The following ADCK2 variants were observed in gnomAD, a reference collection of about 807,000 sequenced individuals.
The protein encoded by ADCK2 is uncharacterized aarF domain-containing protein kinase 2.
In ADCK2, 37 loss-of-function variants were observed where a neutral mutation model predicts 52.3. That is an observed-to-expected ratio of 0.71 (90% CI 0.54 to 0.93). The LOEUF (loss-of-function observed/expected upper bound fraction) is 0.93, where lower values mean the gene tolerates loss of function less well. Ranked by LOEUF, ADCK2 falls within the 40% of genes least tolerant of loss-of-function variation. The pLI, the probability that ADCK2 is intolerant of heterozygous loss-of-function variation, is 0.00. For missense variants in ADCK2, 695 were observed against 798.7 expected (o/e 0.87, Z 1.56); for synonymous variants, 321 against 349.2 (o/e 0.92, Z 0.90).
intron 4 of ADCK2, among the ~76,000 whole-genome samples, chr7:140,683,892 G>C (rs540576307): frequency 3.9e-5 from 6 of 152,292 alleles, no homozygotes; most frequent in Non-Finnish European, 7.4e-5. Context: ...ACAGGCACAG[G>C]GACAGGATTT....
Position 140,673,179 on chromosome 7 carries a change from G to A in ADCK2, c.-152G>A, listed in dbSNP as rs1469011625. On this transcript the variant is annotated 5_prime_UTR_variant, in exon 1 of 8. Coordinates refer to ENST00000072869, the MANE Select transcript of ADCK2 (RefSeq NM_052853.4). This position sits in a 1 kb window ranked among gnomAD's most constrained non-coding sequence, Gnocchi z 6.4. ...GCGCGGGCCTCCGGCCTGAGGCCCGGCGAGGTGCTGGAGGGAGCGGGGCGC... is the reference window on the plus strand; with the variant it reads ...GCGCGGGCCTCCGGCCTGAGGCCCGACGAGGTGCTGGAGGGAGCGGGGCGC... 2 of 507,446 alleles carry A rather than the reference G, an allele frequency of 3.9e-6. No homozygotes were observed. The highest frequency in any genetic ancestry group is 6.1e-6 in the Non-Finnish European group (2 of 329,560). 31.4% of individuals were successfully genotyped at this position (507,446 alleles called of 1,614,324 possible). A position where few individuals can be genotyped will look rare whatever the true frequency, so the allele number is the denominator to read the frequency against.
intron 6 of ADCK2, 40 bp downstream of exon 6, chr7:140,689,765 T>C: frequency 6.4e-7 from 1 of 1,569,792 alleles, no homozygotes; most frequent in Non-Finnish European, 8.7e-7. Context: ...GGGGAGTCCA[T>C]ACCTGGCCTG....
chr7:140,694,323 TG>T (rs758644244), intron 7 of ADCK2, among the ~76,000 whole-genome samples: 1 of 152,200 alleles, frequency 6.6e-6, no homozygotes, highest in Non-Finnish European at 1.5e-5. Context: ...TAAAGGTTAC[TG>T]TAGGTTTCGA....
chr7:140,674,543 A>T lies in ADCK2; in HGVS notation c.934-68A>T. 6.5e-7 allele frequency: 1 copy of T among 1,548,746 alleles called. No individual in the cohort carries two copies. The highest frequency in any genetic ancestry group is 8.7e-7 in the Non-Finnish European group (1 of 1,145,500). On this transcript the variant is annotated intron_variant, in intron 1 of 7. Coordinates refer to ENST00000072869, the MANE Select transcript of ADCK2 (RefSeq NM_052853.4). The surrounding 1 kb of genome is among the most constrained non-coding windows in gnomAD (Gnocchi z 4.6). Reference sequence around the variant, plus strand: ...ACCTGGCTCTTGCTTGGATGGTGGGACCCAGCCCTGGCTGGGTAAAATGTG... The same window carrying T: ...ACCTGGCTCTTGCTTGGATGGTGGGTCCCAGCCCTGGCTGGGTAAAATGTG...
chr7:140,689,030 C>A (rs1204709734), intron 5 of ADCK2, among the ~76,000 whole-genome samples: 2 of 151,244 alleles, frequency 1.3e-5, no homozygotes, highest in Admixed American at 6.6e-5. Context: ...TGCAGTGGTA[C>A]GATCTCAGCT....
At position 140,690,771 on chromosome 7, in the gene ADCK2, C is replaced by T. The variant is rs1466478879; in HGVS notation, c.1698C>T (p.Ser566=). 2.0e-5 allele frequency: 32 copies of T among 1,613,440 alleles called. No individual in the cohort carries two copies. Among genetic ancestry groups the T allele is most frequent in the Middle Eastern group, 1.6e-4 (1 of 6,084 alleles). Residue 566 remains serine, a synonymous_variant, in exon 7 of 8, where the codon TCC becomes TCT. Coordinates refer to ENST00000072869, the MANE Select transcript of ADCK2 (RefSeq NM_052853.4). ...NTITLEKLHV[S]SLLSSVFKLL... ...TTTTGTTTTTCCAGCTTCATGTGTC[C>T]AGCCTTCTCTCTAGTGTCTTTAAGT...
In ADCK2 at chr7:140,674,738, A is replaced by G. The variant is rs1794368311; in HGVS notation, c.1061A>G (p.Glu354Gly). 2 of 1,613,970 alleles carry G rather than the reference A, an allele frequency of 1.2e-6. No individual in the cohort carries two copies. Among genetic ancestry groups the G allele is most frequent in the African/African-American group, 1.3e-5 (1 of 74,904 alleles). The change falls in exon 2 of 8, where the codon GAG (glutamate) becomes GGG (glycine). Residue 354 changes from glutamate (E) to glycine (G), a missense_variant. Glu to Gly is a moderately conservative substitution (Grantham distance 98). Transcript: ENST00000072869. The surrounding 1 kb of genome is among the most constrained non-coding windows in gnomAD (Gnocchi z 4.6). ...TTGCCTGAGATTGTGGAGGAATTTG[A>G]GAAGCTGATGGTCCAACAGGTGAGT... is the stretch of plus-strand genomic sequence containing the variant. Reference protein sequence around the residue: ...LSLPEIVEEFEKLMVQQIDLR... With the variant: ...LSLPEIVEEFGKLMVQQIDLR...
intron 5 of ADCK2, 103 bp from the exon 6 acceptor site, chr7:140,689,494 A>G (rs1272320274): frequency 2.1e-6 from 3 of 1,408,762 alleles, no homozygotes; most frequent in Non-Finnish European, 1.9e-6. Context: ...GCAAGATGCC[A>G]GAAAAGTCAG....
intron 7 of ADCK2, among the ~76,000 whole-genome samples, chr7:140,692,862 A>G (rs1042034887): frequency 6.6e-6 from 1 of 152,234 alleles, no homozygotes; most frequent in Non-Finnish European, 1.5e-5. Flanking sequence ...CATATGCCCC[A>G]AAGTAGGTTT....
At chr7:140,676,833 G>A (rs146508470) in intron 2 of ADCK2, among the ~76,000 whole-genome samples, 64 of 152,124 alleles carry the variant, frequency 4.2e-4, no homozygotes, top group African/African-American at 1.5e-3. Flanking sequence ...ATCAGTTTGG[G>A]CAACATGGTG....
intron 5 of ADCK2, among the ~76,000 whole-genome samples, chr7:140,688,353 C>T (rs1389609563): frequency 2.6e-5 from 4 of 152,124 alleles, no homozygotes; most frequent in African/African-American, 4.8e-5. Context: ...CAGAATGTCT[C>T]TGTCTTGAAA....
intron 2 of ADCK2, among the ~76,000 whole-genome samples, chr7:140,676,905 C>T (rs564481366): frequency 2.6e-4 from 40 of 152,064 alleles, no homozygotes; most frequent in Non-Finnish European, 5.3e-4. Context: ...CACCTGTAGT[C>T]CCAGCTACTC....
At chr7:140,677,835 C>T (rs1429953803) in intron 2 of ADCK2, among the ~76,000 whole-genome samples, 1 of 152,054 alleles carries the variant, frequency 6.6e-6, no homozygotes, top group Non-Finnish European at 1.5e-5. Flanking sequence ...GCAGTTGGAC[C>T]AAGTGGGGGA....
intron 2 of ADCK2, among the ~76,000 whole-genome samples, chr7:140,675,218 C>T (rs898544019): frequency 3.9e-5 from 6 of 152,066 alleles, no homozygotes; most frequent in African/African-American, 9.7e-5. Context: ...TCCAGCCTGG[C>T]GACAGAGTGA....
At position 140,673,753 on chromosome 7, in the gene ADCK2, AG is replaced by A; in HGVS notation, c.425del (p.Gly142AlafsTer33). 6.2e-7 allele frequency: 1 copy of A among 1,611,668 alleles called. No homozygotes were observed. On this transcript the variant is annotated frameshift_variant, in exon 1 of 8. Coordinates refer to ENST00000072869, the MANE Select transcript of ADCK2 (RefSeq NM_052853.4). LOFTEE classifies it high-confidence loss of function. This position sits in a 1 kb window ranked among gnomAD's most constrained non-coding sequence, Gnocchi z 6.4. ...TGCTTCTGAAAGCCACCGAGACCTCAGGCCCAACCTACATCAAACTGGGCCA... is the reference window on the plus strand; with the variant it reads ...TGCTTCTGAAAGCCACCGAGACCTCAGCCCAACCTACATCAAACTGGGCCA... ...HLLLKATETS[G>X]PTYIKLGQWA...
intron 5 of ADCK2, 111 bp from the exon 6 acceptor site, chr7:140,689,486 A>C: frequency 7.4e-7 from 1 of 1,359,038 alleles, no homozygotes; most frequent in Non-Finnish European, 1.0e-6. Context: ...AGCCAAAAGC[A>C]AGATGCCAGA....
rs753539725 is a variant in ADCK2, at chr7:140,681,152, G to A, written c.1305+15G>A. 1 of 1,612,842 alleles carries A rather than the reference G, an allele frequency of 6.2e-7. No homozygotes were observed. The highest frequency in any genetic ancestry group is 8.5e-7 in the Non-Finnish European group (1 of 1,178,914). The stretch of plus-strand genomic sequence containing the variant: ...TCCTGAAGATGGTGAGCTCATGGCT[G>A]GAGCGGGCTCAGGCCCAGCATGTGG... On this transcript the variant is annotated intron_variant, in intron 4 of 7. Transcript: ENST00000072869.
chr7:140,689,228 A>C (rs555235335), intron 5 of ADCK2, among the ~76,000 whole-genome samples: 1 of 152,112 alleles, frequency 6.6e-6, no homozygotes, highest in East Asian at 1.9e-4. Flanking sequence ...TCGGCCTCCT[A>C]AAATGCTGGG....
At chr7:140,679,421 G>A (rs1794478015) in intron 3 of ADCK2, 138 bp downstream of exon 3, 1 of 1,286,994 alleles carries the variant, frequency 7.8e-7, no homozygotes, top group Non-Finnish European at 1.1e-6. Context: ...GGGATGTGTT[G>A]GCCTCGGCGG....
Sources: allele counts gnomAD v4.1 joint callset (sites outside exome capture counted in the v4.1 genomes callset), GRCh38; gene constraint gnomAD v4.1.1; non-coding constraint Gnocchi (gnomAD v3.1); transcripts MANE v1.5; gene names NCBI Gene and HGNC (gene_info 2026-07-23, HGNC 2026-07-21).